PRR5L: variants seen among roughly 807,000 people sequenced by gnomAD.
PRR5L encodes the protein proline rich 5 like, also known as proline-rich protein 5-like.
A neutral mutation model predicts 36.4 loss-of-function variants in PRR5L; 21 were observed. The ratio of observed to expected loss-of-function variants is 0.58; its 90% CI spans 0.41 to 0.83. The LOEUF (loss-of-function observed/expected upper bound fraction) is 0.83, where lower values mean the gene tolerates loss of function less well. Ranked by LOEUF, PRR5L falls within the 40% of genes least tolerant of loss-of-function variation. The pLI is 0.00. For synonymous variants in PRR5L, 188 were observed against 197.0 expected, an observed-to-expected ratio of 0.95 and a Z score of 0.38; for missense variants, 381 against 473.3, an observed-to-expected ratio of 0.80 and a Z score of 1.81.
intron 1 of PRR5L, chr11:36,376,327 G>C (rs1342915999): frequency 1.9e-6 from 2 of 1,077,488 alleles, no homozygotes; most frequent in African/African-American, 3.9e-5. Context: ...AGGAGGGGGA[G>C]AAGGGGGAGG....
At chr11:36,313,767 A>G (rs759701729) in intron 1 of PRR5L, among the ~76,000 whole-genome samples, 3 of 152,330 alleles carry the variant, frequency 2.0e-5, no homozygotes, top group South Asian at 2.1e-4. Flanking sequence ...GAGGAAGAAT[A>G]CTAAATAGAG....
At chr11:36,460,294 G>A (rs1306524676) in intron 8 of PRR5L, among the ~76,000 whole-genome samples, 2 of 152,040 alleles carry the variant, frequency 1.3e-5, no homozygotes, top group Non-Finnish European at 2.9e-5. Context: ...TCTGTCAGCC[G>A]GTGGAGGTTG....
At chr11:36,329,823 A>G (rs1453660414) in intron 1 of PRR5L, among the ~76,000 whole-genome samples, 1 of 152,182 alleles carries the variant, frequency 6.6e-6, no homozygotes, top group Admixed American at 6.5e-5. Context: ...TCTTCAAAAC[A>G]TACAGTTTCC....
chr11:36,353,647 C>T (rs1437963679), intron 1 of PRR5L, among the ~76,000 whole-genome samples: 1 of 152,172 alleles, frequency 6.6e-6, no homozygotes, highest in Non-Finnish European at 1.5e-5. Flanking sequence ...CACCTCAGAA[C>T]ATCAGGCATT....
chr11:36,432,167 TGTTTTTG>T, intron 5 of PRR5L, among the ~76,000 whole-genome samples: 2 of 146,882 alleles, frequency 1.4e-5, no homozygotes, highest in African/African-American at 5.4e-5. Context: ...TTTTTTGTTT[TGTTTTTG>T]TTTTTGTTTT....
At chr11:36,307,352 G>A (rs1856446102) in intron 1 of PRR5L, among the ~76,000 whole-genome samples, 1 of 152,194 alleles carries the variant, frequency 6.6e-6, no homozygotes, top group Non-Finnish European at 1.5e-5. Context: ...GGCAGAGGTA[G>A]ATACTGTTAA....
intron 8 of PRR5L, among the ~76,000 whole-genome samples, chr11:36,461,746 G>T (rs1185374418): frequency 6.6e-6 from 1 of 152,192 alleles, no homozygotes; most frequent in African/African-American, 2.4e-5. Flanking sequence ...GAGTCCAGGA[G>T]AATTGACTTG....
intron 8 of PRR5L, among the ~76,000 whole-genome samples, chr11:36,456,294 A>G (rs1307746227): frequency 6.6e-6 from 1 of 152,126 alleles, no homozygotes; most frequent in African/African-American, 2.4e-5. Context: ...CCTCCCCTGG[A>G]TCCCAAACCA....
At chr11:36,332,061 C>T (rs189666823) in intron 1 of PRR5L, among the ~76,000 whole-genome samples, 2 of 152,242 alleles carry the variant, frequency 1.3e-5, no homozygotes, top group East Asian at 3.9e-4. Flanking sequence ...ACCTAAAGCT[C>T]TTAGTCTAGT....
chr11:36,305,322 G>T (rs1856419396), intron 1 of PRR5L, among the ~76,000 whole-genome samples: 1 of 152,164 alleles, frequency 6.6e-6, no homozygotes, highest in Non-Finnish European at 1.5e-5. Flanking sequence ...GTCCAGAATT[G>T]CCAAATGTAT....
chr11:36,338,608 A>T (rs760610280), intron 1 of PRR5L, among the ~76,000 whole-genome samples: 5 of 152,150 alleles, frequency 3.3e-5, no homozygotes, highest in African/African-American at 1.2e-4. Context: ...TGACGGCAGG[A>T]TCCCCTTATG....
intron 1 of PRR5L, among the ~76,000 whole-genome samples, chr11:36,322,095 C>A (rs1207406971): frequency 6.6e-6 from 1 of 152,166 alleles, no homozygotes; most frequent in Non-Finnish European, 1.5e-5. Context: ...GCCCTCAGGT[C>A]TACTCCTCAG....
intron 3 of PRR5L, among the ~76,000 whole-genome samples, chr11:36,412,420 T>C (rs1404287341): frequency 6.6e-6 from 1 of 152,180 alleles, no homozygotes; most frequent in Non-Finnish European, 1.5e-5. Context: ...ATGATGATGA[T>C]GATTGTTTGT....
intron 2 of PRR5L, among the ~76,000 whole-genome samples, chr11:36,401,930 A>G (rs139569883): frequency 1.3e-5 from 2 of 152,352 alleles, no homozygotes; most frequent in African/African-American, 4.8e-5. Flanking sequence ...GTGGGCTTCT[A>G]TAAGAAACCT....
chr11:36,423,803 TG>T (rs1858322576), intron 4 of PRR5L, among the ~76,000 whole-genome samples: 1 of 152,140 alleles, frequency 6.6e-6, no homozygotes, highest in Non-Finnish European at 1.5e-5. Flanking sequence ...TTTTTTGATT[TG>T]GCCAGTACTT....
intron 1 of PRR5L, among the ~76,000 whole-genome samples, chr11:36,387,483 T>C (rs1270164527): frequency 6.6e-6 from 1 of 152,126 alleles, no homozygotes; most frequent in Admixed American, 6.5e-5. Context: ...GCTGGTGAAT[T>C]AGATGATGTG....
At position 36,437,414 on chromosome 11, in the gene PRR5L, G is replaced by A. The variant is rs922402468; in HGVS notation, c.382G>A (p.Val128Ile). Residue 128 changes from valine to isoleucine, a missense_variant, in exon 6 of 9, where the codon GTC becomes ATC. Val to Ile is a conservative substitution (Grantham distance 29, BLOSUM62 3). Coordinates refer to ENST00000530639, the MANE Select transcript of PRR5L (RefSeq NM_001160167.2). Reference sequence around the variant, plus strand: ...AAATCGCATTGAGGTTCTGGCTGAAGTCTGGGACCACTTCTTCACTGAGAC... The same window carrying A: ...AAATCGCATTGAGGTTCTGGCTGAAATCTGGGACCACTTCTTCACTGAGAC... ...GENRIEVLAE[V>I]WDHFFTETLP... 6 of 1,613,178 alleles carry A rather than the reference G, an allele frequency of 3.7e-6. No individual in the cohort carries two copies. The highest frequency in any genetic ancestry group is 4.2e-6 in the Non-Finnish European group (5 of 1,179,122).
Position 36,299,757 on chromosome 11 carries a change from C to A in PRR5L, c.-126+3319C>A, listed in dbSNP as rs1282090764. Among the ~76,000 whole-genome samples the A allele has an allele frequency of 5.4e-4, 82 of 151,996 alleles. 1 individual carries two copies. Among genetic ancestry groups the A allele is most frequent in the Non-Finnish European group, 8.8e-5 (6 of 68,000 alleles). ...AGGGGAGTAGAGATTCAAGCTTTAA[C>A]CCACTTCATTATTTACTTCTCTGGG... On this transcript the variant is annotated intron_variant, in intron 1 of 8. Transcript: ENST00000530639.
At chr11:36,436,806 C>A (rs565865426) in intron 5 of PRR5L, among the ~76,000 whole-genome samples, 1 of 152,088 alleles carries the variant, frequency 6.6e-6, no homozygotes, top group African/African-American at 2.4e-5. Context: ...GCCTGTAAAG[C>A]GGGGGTATTA....
Sources: allele counts gnomAD v4.1 joint callset (sites outside exome capture counted in the v4.1 genomes callset), GRCh38; gene constraint gnomAD v4.1.1; transcripts MANE v1.5; gene names NCBI Gene and HGNC (gene_info 2026-07-23, HGNC 2026-07-21).